The following RABGEF1 variants were observed in gnomAD, a reference collection of about 807,000 sequenced individuals.
RABGEF1 encodes the protein rab5 GDP/GTP exchange factor.
A neutral mutation model predicts 57.3 loss-of-function variants in RABGEF1; 26 were observed. The ratio of observed to expected loss-of-function variants is 0.45; its 90% CI spans 0.33 to 0.63. The LOEUF is 0.63. Among genes scored for constraint, RABGEF1 ranks in the 20% least tolerant of loss-of-function variants. The pLI is 0.02. For synonymous variants in RABGEF1, 185 were observed against 210.7 expected, an observed-to-expected ratio of 0.88 and a Z score of 1.06; for missense variants, 464 against 607.6, an observed-to-expected ratio of 0.76 and a Z score of 2.48.
chr7:66,664,869 A>G, the RABGEF1 span, among the ~76,000 whole-genome samples: 1 of 152,222 alleles, frequency 6.6e-6, no homozygotes, highest in Non-Finnish European at 1.5e-5. Context: ...TGTCTACTGC[A>G]CGAGCATGTG....
intron 2 of RABGEF1, among the ~76,000 whole-genome samples, chr7:66,715,068 C>A (rs964838004): frequency 6.6e-6 from 1 of 150,928 alleles, no homozygotes; most frequent in African/African-American, 2.4e-5. Flanking sequence ...TCTCTTTTTC[C>A]TTCTCTTTCT....
At chr7:66,665,797 G>A in the RABGEF1 span, among the ~76,000 whole-genome samples, 4 of 152,190 alleles carry the variant, frequency 2.6e-5, no homozygotes, top group African/African-American at 9.7e-5. Context: ...TCAGCCAGCA[G>A]CCCTTGGCTG....
chr7:66,762,405 A>G (rs1053339679), intron 1 of RABGEF1, among the ~76,000 whole-genome samples: 8 of 152,132 alleles, frequency 5.3e-5, no homozygotes, highest in African/African-American at 4.8e-5. Context: ...AGCCTGGTCA[A>G]TATGGCGAAA....
intron 2 of RABGEF1, among the ~76,000 whole-genome samples, chr7:66,723,941 C>A (rs1796323655): frequency 3.9e-5 from 6 of 152,104 alleles, no homozygotes; most frequent in Non-Finnish European, 8.8e-5. Flanking sequence ...CACATATTTG[C>A]CATTTTTAGT....
chr7:66,703,848 T>C (rs1793638629), intron 1 of RABGEF1, among the ~76,000 whole-genome samples: 1 of 152,210 alleles, frequency 6.6e-6, no homozygotes, highest in African/African-American at 2.4e-5. Flanking sequence ...GGAATTTTGA[T>C]AGGGATTGCA....
intron 1 of RABGEF1, chr7:66,756,117 C>G (rs1257101212): frequency 7.9e-7 from 1 of 1,259,866 alleles, no homozygotes; most frequent in Non-Finnish European, 1.1e-6. Context: ...ATCTATAAAT[C>G]AAAAGAAAAT....
intron 4 of RABGEF1, among the ~76,000 whole-genome samples, chr7:66,787,331 G>A (rs1489656646): frequency 7.0e-6 from 1 of 142,002 alleles, no homozygotes; most frequent in African/African-American, 2.6e-5. Context: ...ACCATGCCTG[G>A]CCTGATTTTT....
In RABGEF1 at chr7:66,808,994, G is replaced by A. The variant is rs1789082967; in HGVS notation, c.1186G>A (p.Ala396Thr). The A allele has an allele frequency of 6.2e-7, 1 of 1,614,030 alleles. No homozygotes were observed. Among genetic ancestry groups the A allele is most frequent in the Non-Finnish European group, 8.5e-7 (1 of 1,180,052 alleles). The change falls in exon 9 of 9, where the codon GCT (alanine) becomes ACT (threonine). Residue 396 changes from alanine to threonine, a missense_variant. By Grantham distance (58) the Ala-to-Thr change is moderately conservative. Transcript: ENST00000284957. Reference sequence around the variant, plus strand: ...CCAGACCTCTCCCAGGAAGCAAGAAGCTGAGAGTTGGTCTCCTGATGCTTG... The same window carrying A: ...CCAGACCTCTCCCAGGAAGCAAGAAACTGAGAGTTGGTCTCCTGATGCTTG... ...SGQTSPRKQE[A>T]ESWSPDACLG...
intron 1 of RABGEF1, among the ~76,000 whole-genome samples, chr7:66,756,946 G>T (rs906089270): frequency 3.9e-5 from 6 of 152,032 alleles, no homozygotes; most frequent in African/African-American, 1.4e-4. Flanking sequence ...GGTTTGACAG[G>T]TCTGTTCTTG....
At chr7:66,730,477 A>C (rs1797180285) in intron 2 of RABGEF1, among the ~76,000 whole-genome samples, 1 of 152,070 alleles carries the variant, frequency 6.6e-6, no homozygotes, top group African/African-American at 2.4e-5. Context: ...CTGCAGCGTC[A>C]ACCTCCTGGG....
intron 1 of RABGEF1, among the ~76,000 whole-genome samples, chr7:66,702,971 TTTTG>T (rs1351260871): frequency 6.6e-6 from 1 of 152,130 alleles, no homozygotes; most frequent in African/African-American, 2.4e-5. Flanking sequence ...ATCTAAGTTT[TTTTG>T]TTTGTTTGTT....
chr7:66,756,225 C>A, intron 1 of RABGEF1: 1 of 522,792 alleles, frequency 1.9e-6, no homozygotes, highest in Non-Finnish European at 3.2e-6. Context: ...GGGAAATGCA[C>A]GTTAAATGAT....
chr7:66,725,391 C>T (rs1338941537), intron 2 of RABGEF1, among the ~76,000 whole-genome samples: 2 of 152,182 alleles, frequency 1.3e-5, no homozygotes, highest in African/African-American at 4.8e-5. Context: ...AGCCCTAGGC[C>T]ACCACCCATC....
chr7:66,807,323 A>G (rs1788664682), intron 8 of RABGEF1, among the ~76,000 whole-genome samples: 1 of 152,192 alleles, frequency 6.6e-6, no homozygotes, highest in Non-Finnish European at 1.5e-5. Context: ...ACGGGCACTC[A>G]CAGTCTTCAT....
intron 2 of RABGEF1, among the ~76,000 whole-genome samples, chr7:66,724,458 C>A (rs1460133529): frequency 6.6e-6 from 1 of 152,080 alleles, no homozygotes. Flanking sequence ...TTCCCAGGTT[C>A]AAGCAATTCT....
intron 4 of RABGEF1, among the ~76,000 whole-genome samples, chr7:66,784,586 G>C (rs1810710748): frequency 6.6e-6 from 1 of 152,226 alleles, no homozygotes; most frequent in African/African-American, 2.4e-5. Flanking sequence ...CAGTAAGGAA[G>C]TCTTAGAAAG....
At chr7:66,796,805 G>C (rs1443362079) in intron 5 of RABGEF1, 1 of 373,092 alleles carries the variant, frequency 2.7e-6, no homozygotes, top group African/African-American at 2.2e-5. Flanking sequence ...TGGCCAGGCT[G>C]GTCTTGAACT....
chr7:66,762,428 A>G (rs1273724241), intron 1 of RABGEF1, among the ~76,000 whole-genome samples: 1 of 151,966 alleles, frequency 6.6e-6, no homozygotes, highest in Non-Finnish European at 1.5e-5. Context: ...CTGTCTCTAC[A>G]AAAAATACAA....
At chr7:66,808,096 T>TC (rs1035103123) in intron 8 of RABGEF1, 18 of 152,216 alleles carry the variant, frequency 1.2e-4, no homozygotes, top group African/African-American at 4.3e-4. Flanking sequence ...AGGTGGTATT[T>TC]CCCCCCATTT....
Sources: allele counts gnomAD v4.1 joint callset (sites outside exome capture counted in the v4.1 genomes callset), GRCh38; gene constraint gnomAD v4.1.1; transcripts MANE v1.5; gene names NCBI Gene and HGNC (gene_info 2026-07-23, HGNC 2026-07-21).